The following ETS1 variants were observed in gnomAD, a reference collection of about 807,000 sequenced individuals.
The protein encoded by ETS1 is ETS proto-oncogene 1, transcription factor.
Under a neutral mutation model 58.6 loss-of-function variants are expected in ETS1, and 15 were observed. That is an observed-to-expected ratio of 0.26 (90% CI 0.17 to 0.39). ETS1 has a LOEUF of 0.39. ETS1 is among the 10% of genes least tolerant of loss of function. ETS1 has a pLI of 1.00. For synonymous variants in ETS1, 214 were observed against 218.2 expected (o/e 0.98, Z 0.17); for missense variants, 417 against 610.5 (o/e 0.68, Z 3.34).
rs1427900022 is a variant in ETS1 at position 128,464,989 on chromosome 11, G to A, written c.1124-1362C>T. Among the ~76,000 whole-genome samples the A allele has an allele frequency of 1.3e-5, 2 of 152,134 alleles. No homozygotes were observed. The highest frequency in any genetic ancestry group is 1.9e-4 in the East Asian group (1 of 5,192). ...CAGCAAAGTACTGTGACTTTGCTCT[G>A]AGCCACGGTTAGCGAAATGGTGGTT... On this transcript the variant is annotated intron_variant, in intron 8 of 9. Coordinates refer to ENST00000392668, the MANE Select transcript of ETS1 (RefSeq NM_001143820.2). The surrounding 1 kb of genome is among the most constrained non-coding windows in gnomAD (Gnocchi z 4.1).
At chr11:128,540,851 C>T (rs1005818877) in intron 3 of ETS1, among the ~76,000 whole-genome samples, 5 of 152,112 alleles carry the variant, frequency 3.3e-5, no homozygotes, top group African/African-American at 9.7e-5. Flanking sequence ...AGGAAGGCCA[C>T]GGAGAGGCCA....
chr11:128,487,551 C>G (rs1467294041), intron 5 of ETS1, among the ~76,000 whole-genome samples: 2 of 151,950 alleles, frequency 1.3e-5, no homozygotes, highest in Non-Finnish European at 2.9e-5. Flanking sequence ...CCATCCTGGC[C>G]AACACGGTGA....
At chr11:128,475,919 C>A (rs370599607) in intron 8 of ETS1, among the ~76,000 whole-genome samples, 150 of 151,700 alleles carry the variant, frequency 9.9e-4, no homozygotes, top group Admixed American at 2.1e-3. Flanking sequence ...CTCACACACA[C>A]AAAAAAATTT....
At chr11:128,558,683 AAG>A (rs1565409623) in intron 2 of ETS1, among the ~76,000 whole-genome samples, 7 of 147,312 alleles carry the variant, frequency 4.8e-5, no homozygotes, top group African/African-American at 7.6e-5. Flanking sequence ...AAAAAAAAAA[AAG>A]AGAGAGAGAG....
At chr11:128,474,880 C>T (rs571915081) in intron 8 of ETS1, among the ~76,000 whole-genome samples, 3 of 152,372 alleles carry the variant, frequency 2.0e-5, no homozygotes, top group African/African-American at 7.2e-5. Context: ...CAATCAGGTA[C>T]TGCCCAAGGA....
intron 3 of ETS1, among the ~76,000 whole-genome samples, chr11:128,496,486 A>G (rs2135472624): frequency 6.6e-6 from 1 of 152,312 alleles, no homozygotes; most frequent in East Asian, 1.9e-4. Flanking sequence ...CAAACTGCCG[A>G]CAACAAGTCC....
chr11:128,537,040 T>G (rs773133104), intron 3 of ETS1, among the ~76,000 whole-genome samples: 1 of 152,204 alleles, frequency 6.6e-6, no homozygotes, highest in African/African-American at 2.4e-5. Context: ...AGCCTCACTG[T>G]ATGCAGTATC....
chr11:128,487,881 A>G (rs1862680338), intron 5 of ETS1, among the ~76,000 whole-genome samples: 1 of 135,176 alleles, frequency 7.4e-6, no homozygotes, highest in Non-Finnish European at 1.6e-5. Context: ...TGTCCTTACT[A>G]TCTCACAGTT....
At chr11:128,575,307 TTCTC>T (rs10531263) in intron 1 of ETS1, among the ~76,000 whole-genome samples, 3 of 146,956 alleles carry the variant, frequency 2.0e-5, no homozygotes, top group East Asian at 1.9e-4. Context: ...TGAATGTGGT[TTCTC>T]TCTCTCTCTC....
intron 8 of ETS1, among the ~76,000 whole-genome samples, chr11:128,467,048 A>G (rs1393393339): frequency 2.6e-5 from 4 of 152,182 alleles, no homozygotes; most frequent in Non-Finnish European, 5.9e-5. Flanking sequence ...TGGCCGCTGA[A>G]GCGTCCCCTC....
At chr11:128,515,252 TCA>T (rs34618232) in intron 3 of ETS1, among the ~76,000 whole-genome samples, 1,670 of 150,444 alleles carry the variant, frequency 0.011, 17 homozygotes, top group African/African-American at 0.03. Context: ...TATCTCTCTG[TCA>T]CACACACACA....
rs114338440 is a variant in ETS1 at position 128,464,465 on chromosome 11, G to A, written c.1124-838C>T. Reference sequence around the variant, plus strand: ...TATGCTAAAAGGTTTATATCACACCGATTTCCTTTGAGGATACTTTTCTCA... The same window carrying A: ...TATGCTAAAAGGTTTATATCACACCAATTTCCTTTGAGGATACTTTTCTCA... On this transcript the variant is annotated intron_variant, in intron 8 of 9. Transcript: ENST00000392668. This position sits in a 1 kb window ranked among gnomAD's most constrained non-coding sequence, Gnocchi z 4.1. Among the ~76,000 whole-genome samples the A allele has an allele frequency of 0.03, 4,489 of 151,610 alleles. 147 individuals are homozygous for A. Among genetic ancestry groups the A allele is most frequent in the African/African-American group, 0.078 (3,235 of 41,256 alleles).
At chr11:128,471,954 G>A (rs1862198995) in intron 8 of ETS1, among the ~76,000 whole-genome samples, 1 of 152,162 alleles carries the variant, frequency 6.6e-6, no homozygotes, top group African/African-American at 2.4e-5. Context: ...AGAATCCTTG[G>A]AAGGTAGTTG....
chr11:128,502,727 A>G (rs1165987083), intron 3 of ETS1, among the ~76,000 whole-genome samples: 1 of 152,136 alleles, frequency 6.6e-6, no homozygotes, highest in African/African-American at 2.4e-5. Flanking sequence ...TCCTTCCCAA[A>G]CTGTGTTACT....
chr11:128,490,662 C>A, intron 3 of ETS1, 86 bp from the exon 4 acceptor site: 2 of 1,042,346 alleles, frequency 1.9e-6, no homozygotes, highest in South Asian at 1.4e-5. Context: ...TGTAAGAAGG[C>A]AAGCTGAGAA....
intron 3 of ETS1, among the ~76,000 whole-genome samples, chr11:128,540,265 G>A (rs553500918): frequency 5.3e-5 from 8 of 150,138 alleles, no homozygotes; most frequent in East Asian, 2.0e-4. Context: ...TGCAGTGAGC[G>A]GAGATTGTGC....
chr11:128,519,359 G>A (rs1169055001), intron 3 of ETS1, among the ~76,000 whole-genome samples: 3 of 152,152 alleles, frequency 2.0e-5, no homozygotes, highest in Admixed American at 6.5e-5. Context: ...ATTTGGGAGG[G>A]GGTGGGGAGA....
At chr11:128,512,889 C>A (rs117679481) in intron 3 of ETS1, among the ~76,000 whole-genome samples, 3 of 152,382 alleles carry the variant, frequency 2.0e-5, no homozygotes, top group Admixed American at 6.5e-5. Flanking sequence ...ACTCGGCCTG[C>A]GGAAGCAGCT....
At chr11:128,512,063 C>A (rs143185598) in intron 3 of ETS1, among the ~76,000 whole-genome samples, 7 of 152,300 alleles carry the variant, frequency 4.6e-5, no homozygotes, top group Non-Finnish European at 1.0e-4. Flanking sequence ...TCCACAAACA[C>A]CCAAATATTT....
Sources: gnomAD v4.1 joint callset for allele counts (sites outside exome capture counted in the v4.1 genomes callset) on GRCh38, gnomAD v4.1.1 for gene constraint, Gnocchi (gnomAD v3.1) non-coding constraint, MANE v1.5 for transcripts, NCBI Gene and HGNC (gene_info 2026-07-23, HGNC 2026-07-21) for gene names.